The following CSMD3 variants were observed in gnomAD, a reference collection of about 807,000 sequenced individuals.
CSMD3 encodes CUB and Sushi multiple domains 3, also known as CUB and sushi domain-containing protein 3.
CSMD3 carries 177 observed loss-of-function variants against 435.2 expected under a neutral mutation model. The observed-to-expected ratio is 0.41, with a 90% CI of 0.36 to 0.46. CSMD3 has a LOEUF of 0.46. Ranked by LOEUF, CSMD3 falls within the 20% of genes least tolerant of loss-of-function variation. The pLI, the probability that CSMD3 is intolerant of heterozygous loss-of-function variation, is 0.34. For synonymous variants in CSMD3, 1,656 were observed against 1,520.5 expected (o/e 1.09, Z -2.07); for missense variants, 4,265 against 4,504.6 (o/e 0.95, Z 1.52).
intron 3 of CSMD3, among the ~76,000 whole-genome samples, chr8:113,268,865 A>T (rs1255719559): frequency 6.6e-6 from 1 of 152,084 alleles, no homozygotes; most frequent in East Asian, 1.9e-4. Flanking sequence ...TTTGGATATA[A>T]TTTGATCCAA....
intron 1 of CSMD3, among the ~76,000 whole-genome samples, chr8:113,427,375 C>T (rs2094641887): frequency 6.6e-6 from 1 of 150,984 alleles, no homozygotes; most frequent in African/African-American, 2.4e-5. Flanking sequence ...GTATCTGTGT[C>T]TCCTTACACA....
intron 1 of CSMD3, among the ~76,000 whole-genome samples, chr8:113,325,415 C>A (rs747922880): frequency 1.6e-4 from 24 of 152,094 alleles, no homozygotes; most frequent in Admixed American, 2.6e-4. Context: ...AGTTTATCTG[C>A]ATAAACTCTC....
intron 10 of CSMD3, among the ~76,000 whole-genome samples, chr8:112,914,024 C>T (rs1462230922): frequency 1.3e-5 from 2 of 151,806 alleles, no homozygotes; most frequent in Non-Finnish European, 2.9e-5. Context: ...TTTCCCTCCC[C>T]TTACCTAATA....
intron 45 of CSMD3, among the ~76,000 whole-genome samples, chr8:112,329,995 C>T (rs957047070): frequency 1.3e-5 from 2 of 151,992 alleles, no homozygotes; most frequent in African/African-American, 2.4e-5. Flanking sequence ...TCTCTCTGGA[C>T]ATCAAATAAT....
chr8:113,278,299 T>C (rs1321921222), intron 3 of CSMD3, among the ~76,000 whole-genome samples: 1 of 151,850 alleles, frequency 6.6e-6, no homozygotes, highest in Non-Finnish European at 1.5e-5. Flanking sequence ...GGGTAGGGTC[T>C]GTGATGCCTG....
chr8:112,393,079 G>A (rs1239858849), intron 35 of CSMD3, among the ~76,000 whole-genome samples: 1 of 151,916 alleles, frequency 6.6e-6, no homozygotes, highest in African/African-American at 2.4e-5. Flanking sequence ...AATTTGTAGA[G>A]ACAGGATCTG....
intron 59 of CSMD3, among the ~76,000 whole-genome samples, chr8:112,275,201 C>T (rs563819001): frequency 1.3e-5 from 2 of 152,088 alleles, no homozygotes; most frequent in Admixed American, 6.6e-5. Flanking sequence ...TGTATAAGTA[C>T]ATTTTTCACA....
intron 1 of CSMD3, among the ~76,000 whole-genome samples, chr8:113,337,948 A>G (rs967753269): frequency 4.6e-5 from 7 of 152,064 alleles, no homozygotes; most frequent in Non-Finnish European, 1.0e-4. Flanking sequence ...TAGGCAATAA[A>G]TATATGCAAT....
chr8:113,253,041 C>G (rs967646460), intron 3 of CSMD3, among the ~76,000 whole-genome samples: 2 of 152,074 alleles, frequency 1.3e-5, no homozygotes, highest in Admixed American at 1.3e-4. Context: ...AGAACCAGAG[C>G]ACAGATCAAT....
intron 32 of CSMD3, among the ~76,000 whole-genome samples, chr8:112,433,874 T>C (rs1450498781): frequency 6.6e-6 from 1 of 151,960 alleles, no homozygotes; most frequent in Non-Finnish European, 1.5e-5. Flanking sequence ...TTAGAATCAA[T>C]TACTTCTTTT....
At chr8:112,309,048 T>A (rs1821709576) in intron 50 of CSMD3, among the ~76,000 whole-genome samples, 1 of 152,060 alleles carries the variant, frequency 6.6e-6, no homozygotes, top group South Asian at 2.1e-4. Context: ...AATGGCTACA[T>A]GATTTACATA....
At chr8:112,998,496 C>T (rs1021615385) in intron 6 of CSMD3, among the ~76,000 whole-genome samples, 5 of 151,870 alleles carry the variant, frequency 3.3e-5, no homozygotes, top group Non-Finnish European at 7.4e-5. Flanking sequence ...TCTACATTTC[C>T]CTTCTGACTT....
chr8:112,280,583 A>G (rs1409377215), intron 59 of CSMD3, among the ~76,000 whole-genome samples: 1 of 149,882 alleles, frequency 6.7e-6, no homozygotes, highest in Admixed American at 6.8e-5. Context: ...ATGGTTGTGT[A>G]TTATTGTTGG....
chr8:112,761,800 A>G (rs1185127872), intron 13 of CSMD3, among the ~76,000 whole-genome samples: 1 of 152,102 alleles, frequency 6.6e-6, no homozygotes, highest in East Asian at 1.9e-4. Flanking sequence ...ATATGTATCC[A>G]TGTGAGTATA....
At chr8:113,081,383 T>A (rs1366607769) in intron 5 of CSMD3, among the ~76,000 whole-genome samples, 2 of 152,144 alleles carry the variant, frequency 1.3e-5, no homozygotes, top group African/African-American at 4.8e-5. Context: ...TCTACCAGAA[T>A]CATCAAATGG....
At chr8:112,997,095 T>C (rs1411542623) in intron 6 of CSMD3, among the ~76,000 whole-genome samples, 2 of 151,632 alleles carry the variant, frequency 1.3e-5, no homozygotes, top group Non-Finnish European at 3.0e-5. Context: ...TCATAAGTTG[T>C]AATGATGAAA....
chr8:112,433,161 T>A (rs1480630841), intron 32 of CSMD3, among the ~76,000 whole-genome samples: 1 of 152,164 alleles, frequency 6.6e-6, no homozygotes, highest in Non-Finnish European at 1.5e-5. Context: ...TATCATTGTT[T>A]ATTTAGAAAT....
At chr8:112,639,058 G>A in intron 20 of CSMD3, 147 bp from the exon 21 acceptor site, 1 of 623,764 alleles carries the variant, frequency 1.6e-6, no homozygotes, top group Non-Finnish European at 2.8e-6. Context: ...CCAAATATAT[G>A]TTATATTATT....
intron 22 of CSMD3, among the ~76,000 whole-genome samples, chr8:112,600,021 A>T (rs914668345): frequency 1.3e-4 from 18 of 135,582 alleles, no homozygotes; most frequent in Non-Finnish European, 2.7e-4. Flanking sequence ...AAGTATATAT[A>T]TAAAAAAAAG....
Sources: gnomAD v4.1 joint callset for allele counts (sites outside exome capture counted in the v4.1 genomes callset) on GRCh38, gnomAD v4.1.1 for gene constraint, MANE v1.5 for transcripts, NCBI Gene and HGNC (gene_info 2026-07-23, HGNC 2026-07-21) for gene names.